The following LGR5 variants were observed in gnomAD, a reference collection of about 807,000 sequenced individuals.
LGR5 encodes the protein leucine-rich repeat-containing G protein-coupled receptor 5.
LGR5 carries 54 observed loss-of-function variants against 76.7 expected under a neutral mutation model. The ratio of observed to expected loss-of-function variants is 0.70; its 90% CI spans 0.57 to 0.88. The LOEUF is 0.88. Ranked by LOEUF, LGR5 falls within the 40% of genes least tolerant of loss-of-function variation. The pLI is 0.00. For synonymous variants in LGR5, 406 were observed against 421.9 expected (o/e 0.96, Z 0.46); for missense variants, 1,078 against 1,073.3 (o/e 1.00, Z -0.06).
At chr12:71,547,628 C>A (rs1242902655) in intron 4 of LGR5, among the ~76,000 whole-genome samples, 5 of 152,054 alleles carry the variant, frequency 3.3e-5, no homozygotes, top group Non-Finnish European at 7.4e-5. Context: ...GAACATTGAC[C>A]CACAAAGAGA....
At chr12:71,441,732 CT>C (rs1437320211) in intron 1 of LGR5, 3 of 152,154 alleles carry the variant, frequency 2.0e-5, no homozygotes, top group Non-Finnish European at 1.5e-5. Flanking sequence ...ACTGCTTTTT[CT>C]TTTTTACCTG....
intron 4 of LGR5, among the ~76,000 whole-genome samples, chr12:71,536,000 T>C (rs1876566474): frequency 6.6e-6 from 1 of 152,216 alleles, no homozygotes; most frequent in Non-Finnish European, 1.5e-5. Flanking sequence ...ACCACTACTA[T>C]TTAGTCAGTA....
rs144399448 is a variant in LGR5, at chr12:71,572,377, C to T, written c.1137-473C>T. On this transcript the variant is annotated intron_variant, in intron 12 of 17. Coordinates refer to ENST00000266674, the MANE Select transcript of LGR5 (RefSeq NM_003667.4). ...GATTACAGGCGTGAGCCACCGCGCC[C>T]GGCCAAACTTGTTGTTTTATAGTCA... is the stretch of plus-strand genomic sequence containing the variant. 8.0e-3 allele frequency among the ~76,000 whole-genome samples: 1,225 copies of T among 152,266 alleles called. 15 individuals carry two copies. Among genetic ancestry groups the T allele is most frequent in the African/African-American group, 0.027 (1,108 of 41,528 alleles).
At chr12:71,479,015 C>T (rs1175257056) in intron 1 of LGR5, among the ~76,000 whole-genome samples, 1 of 152,204 alleles carries the variant, frequency 6.6e-6, no homozygotes, top group East Asian at 1.9e-4. Context: ...TGCAGGCTCA[C>T]ATACTATTCA....
chr12:71,551,012 T>A (rs1877455854), intron 4 of LGR5, among the ~76,000 whole-genome samples: 1 of 152,236 alleles, frequency 6.6e-6, no homozygotes, highest in Non-Finnish European at 1.5e-5. Flanking sequence ...GGTGTTGAAT[T>A]TTCTAAACAT....
At chr12:71,510,847 CAGG>C (rs1875117167) in intron 2 of LGR5, among the ~76,000 whole-genome samples, 1 of 151,840 alleles carries the variant, frequency 6.6e-6, no homozygotes, top group South Asian at 2.1e-4. Flanking sequence ...GTATTTCAAG[CAGG>C]AGAACAGTGT....
At chr12:71,465,937 C>A (rs1872844863) in intron 1 of LGR5, among the ~76,000 whole-genome samples, 1 of 152,208 alleles carries the variant, frequency 6.6e-6, no homozygotes, top group South Asian at 2.1e-4. Context: ...TAAAAGGCAG[C>A]AACTGCACCT....
chr12:71,561,845 A>G lies in LGR5; in HGVS notation c.850A>G (p.Ile284Val), dbSNP rs987862090. The G allele has an allele frequency of 1.3e-6, 2 of 1,588,272 alleles. No individual in the cohort carries two copies. Among genetic ancestry groups the G allele is most frequent in the Non-Finnish European group, 1.7e-6 (2 of 1,158,130 alleles). The change falls in exon 8 of 18, where the codon ATT becomes GTT. Residue 284 changes from isoleucine (I) to valine (V), a missense_variant. Ile to Val is a conservative substitution (Grantham distance 29). Coordinates refer to ENST00000266674, the MANE Select transcript of LGR5 (RefSeq NM_003667.4). ...AGCATTTGTAGGCAACCCTTCTCTTATTACAATGTAAGTGACCATAATGCT... is the reference window on the plus strand; with the variant it reads ...AGCATTTGTAGGCAACCCTTCTCTTGTTACAATGTAAGTGACCATAATGCT... Reference protein sequence around the residue: ...EKAFVGNPSLITIHFYDNPIQ... With the variant: ...EKAFVGNPSLVTIHFYDNPIQ...
chr12:71,547,230 T>G (rs1283099713), intron 4 of LGR5, among the ~76,000 whole-genome samples: 2 of 151,958 alleles, frequency 1.3e-5, no homozygotes, highest in African/African-American at 4.9e-5. Context: ...ACACCAACTA[T>G]TCTATTGCTG....
chr12:71,583,276 T>C (rs575156493), intron 17 of LGR5, among the ~76,000 whole-genome samples: 2 of 152,364 alleles, frequency 1.3e-5, no homozygotes, highest in African/African-American at 2.4e-5. Flanking sequence ...ATTCTCCTTG[T>C]CTGCCTATGG....
intron 14 of LGR5, among the ~76,000 whole-genome samples, chr12:71,578,493 C>T (rs776869675): frequency 6.6e-6 from 1 of 152,194 alleles, no homozygotes; most frequent in African/African-American, 2.4e-5. Flanking sequence ...CACTCCTAAT[C>T]TAGTCAGCAT....
At chr12:71,535,250 C>A in intron 4 of LGR5, 64 bp downstream of exon 4, 3 of 1,095,856 alleles carry the variant, frequency 2.7e-6, no homozygotes, top group South Asian at 1.3e-5. Flanking sequence ...TTGAAATGTT[C>A]AGTTGACCAT....
At chr12:71,454,725 G>C (rs1407893419) in intron 1 of LGR5, among the ~76,000 whole-genome samples, 2 of 151,518 alleles carry the variant, frequency 1.3e-5, no homozygotes, top group African/African-American at 4.9e-5. Context: ...CCCATGGGTA[G>C]AGTACAATCC....
chr12:71,453,986 C>G (rs1182817466), intron 1 of LGR5, among the ~76,000 whole-genome samples: 1 of 151,984 alleles, frequency 6.6e-6, no homozygotes, highest in Non-Finnish European at 1.5e-5. Context: ...AATAGGGGGT[C>G]AAAGTACCAC....
chr12:71,486,851 C>A (rs1482972204), intron 1 of LGR5, among the ~76,000 whole-genome samples: 1 of 151,776 alleles, frequency 6.6e-6, no homozygotes, highest in African/African-American at 2.4e-5. Context: ...GGGGCTCTTA[C>A]AATAGAATGG....
intron 5 of LGR5, among the ~76,000 whole-genome samples, chr12:71,554,620 A>T (rs755897975): frequency 2.0e-5 from 3 of 152,230 alleles, no homozygotes; most frequent in Admixed American, 6.5e-5. Context: ...TTCCTCCCAA[A>T]GTTAGTTCAG....
intron 4 of LGR5, among the ~76,000 whole-genome samples, chr12:71,551,584 T>C (rs775232154): frequency 5.3e-5 from 8 of 152,222 alleles, no homozygotes; most frequent in Non-Finnish European, 1.2e-4. Flanking sequence ...GAAGCATAGT[T>C]TGAGTGATGT....
At chr12:71,566,383 T>C (rs749832091) in intron 8 of LGR5, 21 bp from the exon 9 acceptor site, 2 of 1,482,402 alleles carry the variant, frequency 1.3e-6, no homozygotes, top group Admixed American at 3.5e-5. Context: ...AGATATTAAT[T>C]GCTGTTTGGG....
chr12:71,559,341 C>T (rs924055635), intron 6 of LGR5, among the ~76,000 whole-genome samples: 9 of 152,164 alleles, frequency 5.9e-5, no homozygotes, highest in South Asian at 2.1e-4. Flanking sequence ...CTTTTTTAGA[C>T]GCCCCAGTGC....
Sources: gnomAD v4.1 joint callset for allele counts (sites outside exome capture counted in the v4.1 genomes callset) on GRCh38, gnomAD v4.1.1 for gene constraint, MANE v1.5 for transcripts, NCBI Gene and HGNC (gene_info 2026-07-23, HGNC 2026-07-21) for gene names.